Variants in TRPS1 observed in about 807,000 individuals in gnomAD.
The protein encoded by TRPS1 is transcriptional repressor GATA binding 1, also known as zinc finger transcription factor Trps1.
A neutral mutation model predicts 101.2 loss-of-function variants in TRPS1; 6 were observed. The ratio of observed to expected loss-of-function variants is 0.06; its 90% CI spans 0.03 to 0.12. The LOEUF (loss-of-function observed/expected upper bound fraction) is 0.12, where lower values mean the gene tolerates loss of function less well. Ranked by LOEUF, TRPS1 falls within the 10% of genes least tolerant of loss-of-function variation. The pLI is 1.00. For missense variants in TRPS1, 1,363 were observed against 1,567.0 expected (o/e 0.87, Z 2.20); for synonymous variants, 578 against 589.8 (o/e 0.98, Z 0.29).
chr8:115,651,541 A>C (rs912080423), intron 1 of TRPS1, among the ~76,000 whole-genome samples: 1 of 152,192 alleles, frequency 6.6e-6, no homozygotes, highest in African/African-American at 2.4e-5. Context: ...TTTGAGAACT[A>C]CTGCATCCAA....
intron 5 of TRPS1, among the ~76,000 whole-genome samples, chr8:115,426,345 T>A (rs1813186126): frequency 6.6e-6 from 1 of 152,052 alleles, no homozygotes; most frequent in Admixed American, 6.6e-5. Context: ...CTGGGATAGG[T>A]TCATATTCTA....
At chr8:115,629,273 G>A in intron 1 of TRPS1, among the ~76,000 whole-genome samples, 1 of 151,666 alleles carries the variant, frequency 6.6e-6, no homozygotes, top group East Asian at 1.9e-4. Context: ...TTTTTTTCCA[G>A]AAGAGCTATC....
intron 5 of TRPS1, among the ~76,000 whole-genome samples, chr8:115,526,266 G>A (rs947996010): frequency 2.6e-5 from 4 of 151,786 alleles, no homozygotes; most frequent in African/African-American, 7.3e-5. Flanking sequence ...CTGACATCAC[G>A]CCACTTACAC....
At chr8:115,490,079 T>C (rs1586326192) in intron 5 of TRPS1, among the ~76,000 whole-genome samples, 1 of 152,156 alleles carries the variant, frequency 6.6e-6, no homozygotes, top group East Asian at 1.9e-4. Flanking sequence ...CCATTTTGTT[T>C]TACAATTGTA....
intron 5 of TRPS1, among the ~76,000 whole-genome samples, chr8:115,559,044 A>G (rs1210434891): frequency 1.3e-5 from 2 of 152,118 alleles, no homozygotes; most frequent in African/African-American, 4.8e-5. Context: ...AAATCTACTA[A>G]ACACCATACA....
chr8:115,663,263 T>A (rs1007467683), intron 1 of TRPS1, among the ~76,000 whole-genome samples: 5 of 151,806 alleles, frequency 3.3e-5, no homozygotes, highest in African/African-American at 4.8e-5. Flanking sequence ...TTTTTTTTTT[T>A]AAATGGCATT....
chr8:115,600,071 C>T (rs748668414), intron 4 of TRPS1, among the ~76,000 whole-genome samples: 11 of 152,114 alleles, frequency 7.2e-5, no homozygotes, highest in Non-Finnish European at 1.6e-4. Flanking sequence ...TTTTGACTTG[C>T]ATTTCTCTAA....
chr8:115,415,754 T>G (rs1378120781), intron 6 of TRPS1, among the ~76,000 whole-genome samples: 1 of 152,172 alleles, frequency 6.6e-6, no homozygotes, highest in Non-Finnish European at 1.5e-5. Context: ...AATCCAACTA[T>G]GCTGGAACCT....
chr8:115,548,736 T>G (rs887687710), intron 5 of TRPS1, among the ~76,000 whole-genome samples: 2 of 152,228 alleles, frequency 1.3e-5, no homozygotes, highest in Non-Finnish European at 1.5e-5. Flanking sequence ...GAGTCTATAA[T>G]TAAAGTTTCA....
At position 115,587,886 on chromosome 8, in the gene TRPS1, G is replaced by A. The variant is rs141716055; in HGVS notation, c.2097-282C>T. Among the ~76,000 whole-genome samples the A allele has an allele frequency of 2.4e-3, 372 of 152,314 alleles. 3 individuals are homozygous for A. The highest frequency in any genetic ancestry group is 4.4e-3 in the Non-Finnish European group (300 of 68,022). On this transcript the variant is annotated intron_variant, in intron 4 of 6. Transcript: ENST00000395715. Reference sequence around the variant, plus strand: ...GTGCACGCACGCACGCACGCTGCTCGTGCTTGTGCGCATACATTCCAGGTG... The same window carrying A: ...GTGCACGCACGCACGCACGCTGCTCATGCTTGTGCGCATACATTCCAGGTG...
intron 4 of TRPS1, among the ~76,000 whole-genome samples, chr8:115,590,821 C>T (rs915571285): frequency 2.0e-5 from 3 of 152,144 alleles, no homozygotes; most frequent in African/African-American, 7.2e-5. Context: ...GAGAGTTAAT[C>T]AGTATAAATC....
At chr8:115,460,204 T>C (rs73367484) in intron 5 of TRPS1, among the ~76,000 whole-genome samples, 3,426 of 152,204 alleles carry the variant, frequency 0.023, 133 homozygotes, top group African/African-American at 0.072. Context: ...TAATCCATCC[T>C]GTAACACAAT....
At chr8:115,614,722 A>C (rs1302846356) in intron 3 of TRPS1, among the ~76,000 whole-genome samples, 1 of 152,208 alleles carries the variant, frequency 6.6e-6, no homozygotes, top group Non-Finnish European at 1.5e-5. Flanking sequence ...TCAACTCAGA[A>C]AAACAAAGAA....
At chr8:115,575,153 A>G (rs922212428) in intron 5 of TRPS1, among the ~76,000 whole-genome samples, 1 of 151,840 alleles carries the variant, frequency 6.6e-6, no homozygotes, top group African/African-American at 2.4e-5. Context: ...TTATTCAGCT[A>G]TAAACATACT....
chr8:115,552,850 C>G (rs531547756), intron 5 of TRPS1, among the ~76,000 whole-genome samples: 8 of 152,130 alleles, frequency 5.3e-5, no homozygotes, highest in Non-Finnish European at 7.4e-5. Context: ...CCCCCCACCC[C>G]CTAAAGCCCT....
intron 5 of TRPS1, among the ~76,000 whole-genome samples, chr8:115,542,552 G>C (rs1816478667): frequency 6.6e-6 from 1 of 152,006 alleles, no homozygotes; most frequent in African/African-American, 2.4e-5. Flanking sequence ...AAATAAAGAC[G>C]GGGAGATGGG....
Position 115,604,180 on chromosome 8 carries a change from G to A in TRPS1, c.1789C>T (p.Pro597Ser). Residue 597 changes from proline to serine, a missense_variant, in exon 4 of 7, where the codon CCG (proline) becomes TCG (serine). Transcript: ENST00000395715. This position sits in a 1 kb window ranked among gnomAD's most constrained non-coding sequence, Gnocchi z 4.1. Reference protein sequence around the residue: ...PEKHLGEITYPFACRKSNCSH... With the variant: ...PEKHLGEITYSFACRKSNCSH... Reference sequence around the variant, plus strand: ...CAATTACTTTTTCTACAAGCAAACGGATAAGTAATTTCTCCAAGGTGCTTT... The same window carrying A: ...CAATTACTTTTTCTACAAGCAAACGAATAAGTAATTTCTCCAAGGTGCTTT... The A allele has an allele frequency of 6.2e-7, 1 of 1,614,082 alleles. No individual in the cohort carries two copies. Among genetic ancestry groups the A allele is most frequent in the Non-Finnish European group, 8.5e-7 (1 of 1,179,992 alleles).
At chr8:115,600,976 T>A (rs993156114) in intron 4 of TRPS1, among the ~76,000 whole-genome samples, 2 of 152,170 alleles carry the variant, frequency 1.3e-5, no homozygotes, top group African/African-American at 4.8e-5. Flanking sequence ...AAGTCCCTGT[T>A]GCTGACTAGA....
At chr8:115,512,182 T>G (rs1202846752) in intron 5 of TRPS1, among the ~76,000 whole-genome samples, 1 of 151,736 alleles carries the variant, frequency 6.6e-6, no homozygotes, top group Admixed American at 6.6e-5. Context: ...GAACTCAGCA[T>G]GAGGACAATT....
Sources: allele counts gnomAD v4.1 joint callset (sites outside exome capture counted in the v4.1 genomes callset), GRCh38; gene constraint gnomAD v4.1.1; non-coding constraint Gnocchi (gnomAD v3.1); transcripts MANE v1.5; gene names NCBI Gene and HGNC (gene_info 2026-07-23, HGNC 2026-07-21).